The following CAST variants were observed in gnomAD, a reference collection of about 807,000 sequenced individuals.
CAST encodes MIR583 host.
CAST carries 76 observed loss-of-function variants against 119.6 expected under a neutral mutation model. The ratio of observed to expected loss-of-function variants is 0.64; its 90% CI spans 0.53 to 0.77. The LOEUF (loss-of-function observed/expected upper bound fraction) is 0.77, where lower values mean the gene tolerates loss of function less well. Among genes scored for constraint, CAST ranks in the 30% least tolerant of loss-of-function variants. The pLI is 0.00. For synonymous variants in CAST, 319 were observed against 331.6 expected, an observed-to-expected ratio of 0.96 and a Z score of 0.41; for missense variants, 953 against 946.5, an observed-to-expected ratio of 1.01 and a Z score of -0.09.
the CAST span, among the ~76,000 whole-genome samples, chr5:96,171,673 C>G: frequency 6.6e-6 from 1 of 152,126 alleles, no homozygotes; most frequent in Non-Finnish European, 1.5e-5. Context: ...TTGTCTTTAC[C>G]AGAAAATGAA....
At chr5:96,645,693 T>A (rs535918159) in intron 1 of CAST, among the ~76,000 whole-genome samples, 1 of 152,034 alleles carries the variant, frequency 6.6e-6, no homozygotes, top group South Asian at 2.1e-4. Context: ...TATTTTAAAA[T>A]ATTAATTAGT....
chr5:96,554,688 G>T (rs1444274580), intron 1 of CAST, among the ~76,000 whole-genome samples: 2 of 152,054 alleles, frequency 1.3e-5, no homozygotes, highest in South Asian at 2.1e-4. Flanking sequence ...AATCCATAAA[G>T]AACTTTAAAC....
chr5:96,017,529 C>G, the CAST span, among the ~76,000 whole-genome samples: 578 of 152,190 alleles, frequency 3.8e-3, 5 homozygotes, highest in African/African-American at 0.013. Flanking sequence ...GTTAAACTTT[C>G]AAATATTGTG....
At chr5:96,207,688 AT>A in the CAST span, among the ~76,000 whole-genome samples, 6 of 152,020 alleles carry the variant, frequency 3.9e-5, no homozygotes, top group Admixed American at 2.0e-4. Flanking sequence ...GTACTGCTGG[AT>A]TTGGTTTGCT....
the CAST span, among the ~76,000 whole-genome samples, chr5:96,024,379 T>G: frequency 6.6e-6 from 1 of 152,302 alleles, no homozygotes; most frequent in South Asian, 2.1e-4. Context: ...CGGAACAATT[T>G]TAATAATCTT....
At chr5:96,441,555 C>T in the CAST span, among the ~76,000 whole-genome samples, 1 of 151,970 alleles carries the variant, frequency 6.6e-6, no homozygotes, top group Non-Finnish European at 1.5e-5. Flanking sequence ...GAATCAGTAG[C>T]GATGGGTTTA....
chr5:96,731,550 G>A (rs1483850564), intron 9 of CAST, among the ~76,000 whole-genome samples: 1 of 123,910 alleles, frequency 8.1e-6, no homozygotes, highest in Non-Finnish European at 1.6e-5. Context: ...TGTGCACATT[G>A]TGCAGGTTAG....
chr5:96,018,917 A>C, the CAST span, among the ~76,000 whole-genome samples: 2 of 152,222 alleles, frequency 1.3e-5, no homozygotes, highest in Non-Finnish European at 2.9e-5. Flanking sequence ...AGTTTAAGTA[A>C]ATCAGCATCA....
chr5:96,000,183 C>T, the CAST span, among the ~76,000 whole-genome samples: 1 of 151,960 alleles, frequency 6.6e-6, no homozygotes, highest in African/African-American at 2.4e-5. Context: ...TTTGCAAATA[C>T]CTCTTACAGT....
At chr5:96,632,161 A>T (rs903651548) in intron 1 of CAST, among the ~76,000 whole-genome samples, 3 of 151,686 alleles carry the variant, frequency 2.0e-5, no homozygotes, top group African/African-American at 7.3e-5. Context: ...AGAAATGTCC[A>T]TTTAAGTACT....
chr5:96,559,612 A>T (rs551115424), intron 1 of CAST, among the ~76,000 whole-genome samples: 1 of 152,252 alleles, frequency 6.6e-6, no homozygotes, highest in East Asian at 1.9e-4. Flanking sequence ...CGATTGCTTC[A>T]AAGAGAATAA....
chr5:96,474,937 A>C, the CAST span, among the ~76,000 whole-genome samples: 2 of 152,338 alleles, frequency 1.3e-5, no homozygotes, highest in Admixed American at 1.3e-4. Context: ...TAACTATGCT[A>C]TTTAGCCTTT....
chr5:96,557,297 T>A (rs1329439999), intron 1 of CAST, among the ~76,000 whole-genome samples: 2 of 152,024 alleles, frequency 1.3e-5, no homozygotes, highest in East Asian at 3.9e-4. Flanking sequence ...AGAAACTGCA[T>A]CAACTAACGA....
the CAST span, among the ~76,000 whole-genome samples, chr5:96,214,110 T>G: frequency 6.6e-6 from 1 of 152,184 alleles, no homozygotes; most frequent in Non-Finnish European, 1.5e-5. Flanking sequence ...GAAGTCAATC[T>G]CAGGAAGTAT....
the CAST span, among the ~76,000 whole-genome samples, chr5:96,430,029 T>C: frequency 9.2e-5 from 14 of 152,360 alleles, no homozygotes; most frequent in East Asian, 2.5e-3. Context: ...CACTTTCCAC[T>C]AAAATAAATT....
upstream of CAST, among the ~76,000 whole-genome samples, chr5:96,520,461 T>C (rs1745497045): frequency 6.6e-6 from 1 of 152,202 alleles, no homozygotes; most frequent in African/African-American, 2.4e-5. Context: ...AAAGGAATGC[T>C]TCACCTCAAC....
chr5:96,500,706 G>A, the CAST span, among the ~76,000 whole-genome samples: 2 of 152,102 alleles, frequency 1.3e-5, no homozygotes, highest in African/African-American at 4.8e-5. Context: ...ATCTCCCAGT[G>A]ACTTTGTCTT....
At chr5:96,114,448 T>C in the CAST span, among the ~76,000 whole-genome samples, 1 of 152,174 alleles carries the variant, frequency 6.6e-6, no homozygotes, top group Non-Finnish European at 1.5e-5. Context: ...CTGCCACCAC[T>C]GAGGCTCTCA....
intron 1 of CAST, among the ~76,000 whole-genome samples, chr5:96,618,097 A>T (rs1372099632): frequency 6.6e-6 from 1 of 152,072 alleles, no homozygotes; most frequent in Non-Finnish European, 1.5e-5. Flanking sequence ...CAGATCAGAG[A>T]CTTTAGCTCC....
Sources: allele counts gnomAD v4.1 joint callset (sites outside exome capture counted in the v4.1 genomes callset), GRCh38; gene constraint gnomAD v4.1.1; transcripts MANE v1.5; gene names NCBI Gene and HGNC (gene_info 2026-07-23, HGNC 2026-07-21).